DLGAP1: variants seen among roughly 807,000 people sequenced by gnomAD.
The protein encoded by DLGAP1 is disks large-associated protein 1.
Under a neutral mutation model 90.8 loss-of-function variants are expected in DLGAP1, and 11 were observed. The observed-to-expected ratio is 0.12, with a 90% CI of 0.08 to 0.20. DLGAP1 has a LOEUF of 0.20. Ranked by LOEUF, DLGAP1 falls within the 10% of genes least tolerant of loss-of-function variation. The pLI, the probability that DLGAP1 is intolerant of heterozygous loss-of-function variation, is 1.00. For missense variants in DLGAP1, 1,050 were observed against 1,333.8 expected (o/e 0.79, Z 3.31); for synonymous variants, 558 against 540.7 (o/e 1.03, Z -0.44).
chr18:4,045,867 T>C (rs1216406349), intron 2 of DLGAP1, among the ~76,000 whole-genome samples: 1 of 150,726 alleles, frequency 6.6e-6, no homozygotes, highest in Non-Finnish European at 1.5e-5. Context: ...TAGCTCACTA[T>C]AACCTCAAGC....
intron 4 of DLGAP1, among the ~76,000 whole-genome samples, chr18:3,852,965 C>T (rs538529530): frequency 7.9e-5 from 12 of 151,768 alleles, no homozygotes; most frequent in African/African-American, 2.7e-4. Flanking sequence ...TCTTAAATGG[C>T]CCTTGTCTGG....
At chr18:3,690,671 C>T (rs2147007252) in intron 7 of DLGAP1, among the ~76,000 whole-genome samples, 1 of 152,266 alleles carries the variant, frequency 6.6e-6, no homozygotes, top group Admixed American at 6.5e-5. Flanking sequence ...AGTGATTAGT[C>T]TTTTCGCTTC....
In DLGAP1 at chr18:4,030,827, T is replaced by C. The variant is rs376858704; in HGVS notation, c.-158-25626A>G. Among the ~76,000 whole-genome samples the C allele has an allele frequency of 5.0e-4, 76 of 152,102 alleles. 1 individual carries two copies. The South Asian group carries it at 0.016, about 31-fold the overall frequency. On this transcript the variant is annotated intron_variant, in intron 2 of 12. Transcript: ENST00000315677. ...GTCCCAGCTACTCAGGAGGCTGAGG[T>C]GGGAGGATTGCTTGAGCCCGGGGAG...
intron 1 of DLGAP1, among the ~76,000 whole-genome samples, chr18:4,249,858 G>C (rs898093711): frequency 2.0e-5 from 3 of 152,106 alleles, no homozygotes; most frequent in Non-Finnish European, 4.4e-5. Context: ...CAAAGTGCTG[G>C]GATTATGGGC....
chr18:3,724,966 T>C (rs941087159), intron 7 of DLGAP1, among the ~76,000 whole-genome samples: 5 of 151,920 alleles, frequency 3.3e-5, no homozygotes, highest in Non-Finnish European at 7.4e-5. Context: ...CATGATAGCT[T>C]GCCTACTTCT....
chr18:3,892,559 A>G (rs1467272528), intron 3 of DLGAP1, among the ~76,000 whole-genome samples: 1 of 152,226 alleles, frequency 6.6e-6, no homozygotes, highest in Non-Finnish European at 1.5e-5. Context: ...CATGGAGATG[A>G]TAGGCTTCAT....
intron 1 of DLGAP1, among the ~76,000 whole-genome samples, chr18:4,391,922 T>TA (rs1376177795): frequency 6.6e-6 from 1 of 152,154 alleles, no homozygotes; most frequent in African/African-American, 2.4e-5. Context: ...AAAATATTTT[T>TA]AAAGAAAAAA....
intron 1 of DLGAP1, among the ~76,000 whole-genome samples, chr18:4,327,556 T>G (rs1262792291): frequency 6.6e-6 from 1 of 152,070 alleles, no homozygotes; most frequent in Non-Finnish European, 1.5e-5. Context: ...GTATGAATTA[T>G]ATAAACTTAT....
chr18:4,387,787 C>T (rs957697955), intron 1 of DLGAP1, among the ~76,000 whole-genome samples: 1 of 152,078 alleles, frequency 6.6e-6, no homozygotes, highest in Non-Finnish European at 1.5e-5. Flanking sequence ...AAAAATTAGT[C>T]GGGCATGGTG....
At chr18:3,557,259 C>T (rs768289440) in intron 9 of DLGAP1, among the ~76,000 whole-genome samples, 12 of 152,102 alleles carry the variant, frequency 7.9e-5, no homozygotes, top group Non-Finnish European at 1.3e-4. Context: ...CGGTGGCTCA[C>T]GCCTGTAATC....
intron 1 of DLGAP1, among the ~76,000 whole-genome samples, chr18:4,452,924 T>G (rs1465587306): frequency 6.6e-6 from 1 of 152,200 alleles, no homozygotes; most frequent in Non-Finnish European, 1.5e-5. Context: ...CATATTTATA[T>G]TGCCTGTAAT....
chr18:3,550,469 T>C (rs1295749358), intron 9 of DLGAP1, among the ~76,000 whole-genome samples: 1 of 152,124 alleles, frequency 6.6e-6, no homozygotes, highest in Non-Finnish European at 1.5e-5. Context: ...CAAGCAATCA[T>C]CCTGCCTCAG....
chr18:4,234,495 T>C (rs1168750145), intron 1 of DLGAP1, among the ~76,000 whole-genome samples: 2 of 152,180 alleles, frequency 1.3e-5, no homozygotes, highest in Non-Finnish European at 2.9e-5. Flanking sequence ...TTCAAATGTA[T>C]AAACTCTTCT....
intron 7 of DLGAP1, among the ~76,000 whole-genome samples, chr18:3,622,480 G>T (rs2058132315): frequency 6.6e-6 from 1 of 152,266 alleles, no homozygotes; most frequent in Non-Finnish European, 1.5e-5. Context: ...TCAAAGATTG[G>T]CTCTGTCCCC....
rs370748874 is a variant in DLGAP1, at chr18:4,334,401, T to C, written c.-267+120605A>G. ...GAAATGGGATAACTCAACTTCTTGATTGGGCAACATGAAATCTGTAAATTA... is the reference window on the plus strand; with the variant it reads ...GAAATGGGATAACTCAACTTCTTGACTGGGCAACATGAAATCTGTAAATTA... On this transcript the variant is annotated intron_variant, in intron 1 of 12. Transcript: ENST00000315677. Among the ~76,000 whole-genome samples the C allele has an allele frequency of 1.3e-4, 19 of 151,914 alleles. 2 individuals carry two copies. The highest frequency in any genetic ancestry group is 3.4e-4 in the African/African-American group (14 of 41,172).
chr18:3,673,200 T>G (rs2146774808), intron 7 of DLGAP1, among the ~76,000 whole-genome samples: 1 of 152,278 alleles, frequency 6.6e-6, no homozygotes, highest in Non-Finnish European at 1.5e-5. Context: ...CTCCCCAGTT[T>G]CTTTTCACAT....
chr18:4,120,850 G>A (rs528986733), intron 2 of DLGAP1, among the ~76,000 whole-genome samples: 1 of 149,436 alleles, frequency 6.7e-6, no homozygotes, highest in South Asian at 2.1e-4. Context: ...AATATTTACC[G>A]AATGCCTACA....
chr18:3,530,833 GA>G (rs2051943670), intron 10 of DLGAP1, among the ~76,000 whole-genome samples: 1 of 152,152 alleles, frequency 6.6e-6, no homozygotes, highest in African/African-American at 2.4e-5. Context: ...ATAATATGAA[GA>G]AGCAAAGGAA....
intron 1 of DLGAP1, among the ~76,000 whole-genome samples, chr18:4,171,457 C>A (rs1220011055): frequency 6.6e-6 from 1 of 151,218 alleles, no homozygotes; most frequent in African/African-American, 2.4e-5. Flanking sequence ...CCCAGCTACT[C>A]GGGAGGCTGA....
Sources: gnomAD v4.1 joint callset for allele counts (sites outside exome capture counted in the v4.1 genomes callset) on GRCh38, gnomAD v4.1.1 for gene constraint, MANE v1.5 for transcripts, NCBI Gene and HGNC (gene_info 2026-07-23, HGNC 2026-07-21) for gene names.